The following SMYD3 variants were observed in gnomAD, a reference collection of about 807,000 sequenced individuals.
SMYD3 encodes SET and MYND domain containing 3.
In SMYD3, 36 loss-of-function variants were observed where a neutral mutation model predicts 57.7. The ratio of observed to expected loss-of-function variants is 0.62; its 90% CI spans 0.48 to 0.82. SMYD3 has a LOEUF of 0.82. Ranked by LOEUF, SMYD3 falls within the 40% of genes least tolerant of loss-of-function variation. SMYD3 has a pLI of 0.00. For synonymous variants in SMYD3, 211 were observed against 195.0 expected (o/e 1.08, Z -0.68); for missense variants, 515 against 538.8 (o/e 0.96, Z 0.44).
At chr1:245,865,929 T>A (rs2051807856) in intron 8 of SMYD3, among the ~76,000 whole-genome samples, 1 of 152,142 alleles carries the variant, frequency 6.6e-6, no homozygotes, top group African/African-American at 2.4e-5. Context: ...TCCATGAGAC[T>A]TTCAACGGGT....
At chr1:245,868,054 A>T (rs2051977100) in intron 8 of SMYD3, among the ~76,000 whole-genome samples, 2 of 152,354 alleles carry the variant, frequency 1.3e-5, no homozygotes, top group South Asian at 4.1e-4. Context: ...TATATTTAAC[A>T]AATGCTCTGC....
chr1:245,856,833 G>C (rs111500597), intron 10 of SMYD3, among the ~76,000 whole-genome samples: 4 of 152,244 alleles, frequency 2.6e-5, no homozygotes, highest in African/African-American at 9.6e-5. Flanking sequence ...TGGGGGCCTG[G>C]AGAAAGAAGG....
At chr1:246,454,040 T>C (rs1419012431) in intron 1 of SMYD3, among the ~76,000 whole-genome samples, 3 of 152,082 alleles carry the variant, frequency 2.0e-5, no homozygotes, top group Non-Finnish European at 2.9e-5. Flanking sequence ...CGTGAAGAAA[T>C]TGTTCACAAT....
chr1:246,431,435 A>C (rs2067295112), intron 1 of SMYD3, among the ~76,000 whole-genome samples: 1 of 152,228 alleles, frequency 6.6e-6, no homozygotes, highest in Admixed American at 6.5e-5. Context: ...TCTTGCTAAA[A>C]GGAGCAACTT....
chr1:246,193,933 G>A (rs78594714), intron 5 of SMYD3, among the ~76,000 whole-genome samples: 3,548 of 152,234 alleles, frequency 0.023, 180 homozygotes, highest in East Asian at 0.2. Flanking sequence ...AAGCAGCAAA[G>A]CATTCTAAAT....
chr1:246,410,754 C>T (rs796393635), intron 1 of SMYD3, among the ~76,000 whole-genome samples: 1 of 146,794 alleles, frequency 6.8e-6, no homozygotes, highest in Non-Finnish European at 1.5e-5. Flanking sequence ...GGTACCAGCT[C>T]CTCCTTGTAC....
intron 5 of SMYD3, among the ~76,000 whole-genome samples, chr1:245,934,660 G>T (rs1217935953): frequency 1.3e-5 from 2 of 152,114 alleles, no homozygotes; most frequent in Non-Finnish European, 2.9e-5. Flanking sequence ...GAGAGGAGAG[G>T]CTATACTTCT....
At chr1:245,789,998 G>A (rs1301531257) in intron 10 of SMYD3, among the ~76,000 whole-genome samples, 3 of 152,206 alleles carry the variant, frequency 2.0e-5, no homozygotes, top group Admixed American at 2.0e-4. Flanking sequence ...ACACTACAGG[G>A]ATAAGCTGGG....
intron 10 of SMYD3, among the ~76,000 whole-genome samples, chr1:245,844,412 G>C (rs1022043209): frequency 2.0e-5 from 3 of 151,872 alleles, no homozygotes; most frequent in African/African-American, 7.3e-5. Context: ...CCAGATATAT[G>C]TTATGATTTT....
At chr1:246,258,055 G>C (rs747282779) in intron 5 of SMYD3, among the ~76,000 whole-genome samples, 2 of 146,930 alleles carry the variant, frequency 1.4e-5, no homozygotes, top group East Asian at 4.2e-4. Flanking sequence ...TTCTTTTTTC[G>C]AGACAGAGTC....
chr1:245,782,301 G>C (rs976774919), intron 10 of SMYD3, among the ~76,000 whole-genome samples: 1 of 152,142 alleles, frequency 6.6e-6, no homozygotes, highest in Non-Finnish European at 1.5e-5. Flanking sequence ...GTAAGATTTT[G>C]ACAGTTTTTG....
chr1:246,115,488 G>A lies in SMYD3; in HGVS notation c.532-185551C>T, dbSNP rs142617968. On this transcript the variant is annotated intron_variant, in intron 5 of 11. Coordinates refer to ENST00000490107, the MANE Select transcript of SMYD3 (RefSeq NM_001167740.2). ...CAAATAACTTCACTGTGTTACAGGGGGAAAAAAAGCTCAAGAATAATTTGA... is the reference window on the plus strand; with the variant it reads ...CAAATAACTTCACTGTGTTACAGGGAGAAAAAAAGCTCAAGAATAATTTGA... Among the ~76,000 whole-genome samples the A allele has an allele frequency of 9.7e-4, 148 of 152,090 alleles. 2 individuals are homozygous for A. The highest frequency in any genetic ancestry group is 3.5e-3 in the African/African-American group (144 of 41,506).
chr1:245,884,792 C>CCAATCAGCGCTCTGTAAAAT, intron 8 of SMYD3, among the ~76,000 whole-genome samples: 1 of 147,276 alleles, frequency 6.8e-6, no homozygotes, highest in South Asian at 2.3e-4. Context: ...GGATTGTAAA[C>CCAATCAGCGCTCTGTAAAAT]GGACCAATCA....
chr1:246,505,010 G>A (rs2068514598), intron 1 of SMYD3, among the ~76,000 whole-genome samples: 1 of 152,206 alleles, frequency 6.6e-6, no homozygotes, highest in African/African-American at 2.4e-5. Flanking sequence ...TAAAATGGGA[G>A]TGTTCAAACA....
At chr1:245,766,396 G>A (rs933413351) in intron 10 of SMYD3, among the ~76,000 whole-genome samples, 1 of 89,938 alleles carries the variant, frequency 1.1e-5, no homozygotes, top group Admixed American at 1.4e-4. Flanking sequence ...GCGAGACTCT[G>A]TCTTAAAAAA....
chr1:245,941,929 GAGGAAATGTGTCACCAC>G (rs2057259755), intron 5 of SMYD3, among the ~76,000 whole-genome samples: 1 of 152,188 alleles, frequency 6.6e-6, no homozygotes, highest in Admixed American at 6.5e-5. Flanking sequence ...AGCTAATGGT[GAGGAAATGTGTCACCAC>G]CAGGCCTACC....
At chr1:246,498,384 T>C (rs2068399336) in intron 1 of SMYD3, among the ~76,000 whole-genome samples, 1 of 152,182 alleles carries the variant, frequency 6.6e-6, no homozygotes, top group Admixed American at 6.5e-5. Flanking sequence ...AGTAGAGTGA[T>C]TTCCAGTAGA....
At chr1:246,011,879 G>T (rs544802964) in intron 5 of SMYD3, among the ~76,000 whole-genome samples, 13 of 152,106 alleles carry the variant, frequency 8.5e-5, no homozygotes, top group Non-Finnish European at 1.9e-4. Context: ...CACTGCAGAA[G>T]AACTAAGTTT....
intron 5 of SMYD3, among the ~76,000 whole-genome samples, chr1:246,005,078 C>T (rs900540319): frequency 6.6e-6 from 1 of 152,212 alleles, no homozygotes; most frequent in Middle Eastern, 3.4e-3. Context: ...CAAACTCCTG[C>T]GCTCAGGCCA....
Sources: allele counts gnomAD v4.1 joint callset (sites outside exome capture counted in the v4.1 genomes callset), GRCh38; gene constraint gnomAD v4.1.1; transcripts MANE v1.5; gene names NCBI Gene and HGNC (gene_info 2026-07-23, HGNC 2026-07-21).